Variants in RAD51 observed in about 807,000 individuals in gnomAD.
RAD51 encodes the protein DNA repair protein RAD51 homolog 1.
Under a neutral mutation model 41.5 loss-of-function variants are expected in RAD51, and 14 were observed. The ratio of observed to expected loss-of-function variants is 0.34; its 90% CI spans 0.22 to 0.53. The LOEUF (loss-of-function observed/expected upper bound fraction) is 0.53. RAD51 is among the 20% of genes least tolerant of loss of function. The probability of loss-of-function intolerance (pLI) is 0.95; values close to 1 mark genes in which losing one functional copy is unlikely to be tolerated. For missense variants in RAD51, 234 were observed against 422.0 expected (o/e 0.55, Z 3.90); for synonymous variants, 136 against 148.6 (o/e 0.92, Z 0.62).
At chr15:40,713,570 C>T (rs1401360100) in intron 5 of RAD51, among the ~76,000 whole-genome samples, 6 of 128,326 alleles carry the variant, frequency 4.7e-5, no homozygotes, top group South Asian at 2.7e-4. Context: ...TTGTTTATTG[C>T]TCCACTGATA....
In RAD51 at chr15:40,697,087, ATTAT is replaced by A. The variant is rs138109886; in HGVS notation, c.-2-1651_-2-1648del. ...ATAGAAGTGCTGAATTTATTTTTTT[ATTAT>A]TTATTTATTTATTTATTTTTCCTTT... On this transcript the variant is annotated intron_variant, in intron 1 of 9. Coordinates refer to ENST00000267868, the MANE Select transcript of RAD51 (RefSeq NM_002875.5). Among the ~76,000 whole-genome samples, 443 of 151,814 alleles carry A rather than the reference ATTAT, an allele frequency of 2.9e-3. 4 individuals carry two copies. Among genetic ancestry groups the A allele is most frequent in the African/African-American group, 0.01 (429 of 41,432 alleles).
At chr15:40,707,333 G>C (rs975785535) in intron 4 of RAD51, among the ~76,000 whole-genome samples, 6 of 147,206 alleles carry the variant, frequency 4.1e-5, no homozygotes, top group Non-Finnish European at 8.9e-5. Context: ...TTGAGACAGA[G>C]TCTCACTCTG....
At position 40,729,494 on chromosome 15, in the gene RAD51, G is replaced by C. The variant is rs552677429; in HGVS notation, c.645-11G>C. The C allele has an allele frequency of 6.2e-7, 1 of 1,604,412 alleles. No individual in the cohort carries two copies. Among genetic ancestry groups the C allele is most frequent in the South Asian group, 1.1e-5 (1 of 90,880 alleles). On this transcript the variant is annotated splice_polypyrimidine_tract_variant and intron_variant, in intron 7 of 9. Transcript: ENST00000267868. ...TAGAAATAGGCTTCAGAGAATCCTT[G>C]TTTCCTGTAGGTATGCACTGCTTAT... is the stretch of plus-strand genomic sequence containing the variant.
rs954921437 is a variant in RAD51 at position 40,731,458 on chromosome 15, A to G, written c.*280A>G. 4.0e-5 allele frequency: 18 copies of G among 451,740 alleles called. No homozygotes were observed. Among genetic ancestry groups the G allele is most frequent in the African/African-American group, 3.5e-4 (18 of 51,470 alleles). The allele number at this position is 451,740 out of a possible 1,614,324, so 28.0% of individuals were successfully genotyped here. ...TGAAGTATCTTTGACATGGTGCCTT[A>G]GGAATGACTTGGGTTTAACAAGCTG... On this transcript the variant is annotated 3_prime_UTR_variant, in exon 10 of 10. Coordinates refer to ENST00000267868, the MANE Select transcript of RAD51 (RefSeq NM_002875.5).
In RAD51 at chr15:40,706,167, T is replaced by C. The variant is rs750882207; in HGVS notation, c.226-10T>C. 5.6e-6 allele frequency: 9 copies of C among 1,599,704 alleles called. No individual in the cohort carries two copies. Among genetic ancestry groups the C allele is most frequent in the Non-Finnish European group, 6.9e-6 (8 of 1,166,920 alleles). On this transcript the variant is annotated splice_polypyrimidine_tract_variant and intron_variant, in intron 3 of 9. Coordinates refer to ENST00000267868, the MANE Select transcript of RAD51 (RefSeq NM_002875.5). ...TATTTTGTTGATTTAATATTTCTTA[T>C]TTTTCCCAGGCTGAGGCAGCTAAAT...
rs1271964587 is a variant in RAD51 at position 40,731,302 on chromosome 15, C to T, written c.*124C>T. On this transcript the variant is annotated 3_prime_UTR_variant, in exon 10 of 10. Transcript: ENST00000267868. Reference sequence around the variant, plus strand: ...TGCCAGGATAAAGCTTCCGGGAAAACAGCTATTATATCAGCTTTTCTGATG... The same window carrying T: ...TGCCAGGATAAAGCTTCCGGGAAAATAGCTATTATATCAGCTTTTCTGATG... 6 of 1,317,792 alleles carry T rather than the reference C, an allele frequency of 4.6e-6. No homozygotes were observed. The highest frequency in any genetic ancestry group is 3.8e-5 in the Admixed American group (2 of 53,092). The allele number at this position is 1,317,792 out of a possible 1,614,324, so 81.6% of individuals were successfully genotyped here.
intron 5 of RAD51, among the ~76,000 whole-genome samples, chr15:40,713,607 A>ATTTT (rs761493133): frequency 0.07 from 8,901 of 127,384 alleles, 365 homozygotes; most frequent in East Asian, 0.12. Flanking sequence ...AAATGTTACA[A>ATTTT]TTTTTTTTTT....
intron 9 of RAD51, 59 bp downstream of exon 9, chr15:40,730,033 T>C: frequency 1.9e-6 from 3 of 1,593,422 alleles, no homozygotes; most frequent in Non-Finnish European, 2.6e-6. Flanking sequence ...TGTGAAGACA[T>C]GAAGATATAA....
At chr15:40,700,964 A>T (rs1894950265) in intron 2 of RAD51, 100 bp from the exon 3 acceptor site, 1 of 1,385,374 alleles carries the variant, frequency 7.2e-7, no homozygotes, top group Non-Finnish European at 1.0e-6. Context: ...GTTGTATTAC[A>T]AGTCTTCAAG....
At chr15:40,708,924 C>A in intron 4 of RAD51, 101 bp from the exon 5 acceptor site, 1 of 1,092,094 alleles carries the variant, frequency 9.2e-7, no homozygotes, top group Non-Finnish European at 1.4e-6. Context: ...GAATTTTTAA[C>A]TTACATAAAC....
Position 40,723,244 on chromosome 15 carries a change from G to A in RAD51, c.530+4345G>A, listed in dbSNP as rs182284355. Reference sequence around the variant, plus strand: ...AGAGAAACTGGAACCCTCATATACTGCTGGTGAAAATATACAACGGTGGTC... The same window carrying A: ...AGAGAAACTGGAACCCTCATATACTACTGGTGAAAATATACAACGGTGGTC... On this transcript the variant is annotated intron_variant, in intron 6 of 9. Transcript: ENST00000267868. Among the ~76,000 whole-genome samples the A allele has an allele frequency of 4.6e-5, 7 of 152,210 alleles. 1 individual carries two copies. In the East Asian group the frequency reaches 1.4e-3, roughly 29 times the overall value.
chr15:40,697,129 T>C (rs1252776065), intron 1 of RAD51, among the ~76,000 whole-genome samples: 1 of 152,214 alleles, frequency 6.6e-6, no homozygotes, highest in Non-Finnish European at 1.5e-5. Context: ...AGACAGAGTT[T>C]GGCTCTTGTT....
chr15:40,719,112 C>T (rs1048264335), intron 6 of RAD51, among the ~76,000 whole-genome samples: 1 of 150,116 alleles, frequency 6.7e-6, no homozygotes, highest in African/African-American at 2.5e-5. Context: ...GGCTAGAGTG[C>T]GGTGGCGTGA....
chr15:40,715,041 T>G (rs542705731), intron 5 of RAD51, among the ~76,000 whole-genome samples: 2 of 151,912 alleles, frequency 1.3e-5, no homozygotes, highest in African/African-American at 4.8e-5. Context: ...GAGAAGACAA[T>G]TTAACATAAG....
chr15:40,727,512 C>T (rs1896647168), intron 6 of RAD51, among the ~76,000 whole-genome samples: 1 of 151,336 alleles, frequency 6.6e-6, no homozygotes, highest in Non-Finnish European at 1.5e-5. Flanking sequence ...GATGGTGTTT[C>T]ACCATGTAGT....
chr15:40,701,884 A>G lies in RAD51; in HGVS notation c.225+683A>G. The G allele has an allele frequency of 2.6e-6, 1 of 381,628 alleles. No homozygotes were observed. Among genetic ancestry groups the G allele is most frequent in the South Asian group, 1.8e-5 (1 of 54,092 alleles). 23.6% of individuals were successfully genotyped at this position (381,628 alleles called of 1,614,324 possible). A position where few individuals can be genotyped will look rare whatever the true frequency, so the allele number is the denominator to read the frequency against. Reference sequence around the variant, plus strand: ...CTGCACCCTCCGCCTCTCAGGTTCAAGTGATTCTCCTGCCTCAGCCTCCCG... The same window carrying G: ...CTGCACCCTCCGCCTCTCAGGTTCAGGTGATTCTCCTGCCTCAGCCTCCCG... On this transcript the variant is annotated intron_variant, in intron 3 of 9. Coordinates refer to ENST00000267868, the MANE Select transcript of RAD51 (RefSeq NM_002875.5).
chr15:40,703,245 G>A (rs1485262471), intron 3 of RAD51, among the ~76,000 whole-genome samples: 1 of 152,088 alleles, frequency 6.6e-6, no homozygotes, highest in African/African-American at 2.4e-5. Flanking sequence ...TCTAGTACAT[G>A]TTTGTTGCAC....
In RAD51 at chr15:40,726,927, AAG is replaced by A. The variant is rs1555429257; in HGVS notation, c.531-1781_531-1780del. 2.2e-3 allele frequency among the ~76,000 whole-genome samples: 329 copies of A among 150,704 alleles called. 1 individual carries two copies. The highest frequency in any genetic ancestry group is 7.9e-3 in the African/African-American group (322 of 40,682). On this transcript the variant is annotated intron_variant, in intron 6 of 9. Coordinates refer to ENST00000267868, the MANE Select transcript of RAD51 (RefSeq NM_002875.5). ...GACTCCGTCTCAAAAAAAAAAAAAAAAGAGGATGGTATTTCCAGCCAACTTGT... is the reference window on the plus strand; with the variant it reads ...GACTCCGTCTCAAAAAAAAAAAAAAAAGGATGGTATTTCCAGCCAACTTGT...
At chr15:40,710,432 G>A (rs1417045938) in intron 5 of RAD51, among the ~76,000 whole-genome samples, 3 of 145,548 alleles carry the variant, frequency 2.1e-5, no homozygotes, top group Non-Finnish European at 1.5e-5. Context: ...AACCCGGGGG[G>A]CAGAGGTTGC....
Sources: gnomAD v4.1 joint callset for allele counts (sites outside exome capture counted in the v4.1 genomes callset) on GRCh38, gnomAD v4.1.1 for gene constraint, MANE v1.5 for transcripts, NCBI Gene and HGNC (gene_info 2026-07-23, HGNC 2026-07-21) for gene names.